Variants in SYK observed in about 807,000 individuals in gnomAD.
SYK encodes tyrosine-protein kinase SYK.
A neutral mutation model predicts 77.8 loss-of-function variants in SYK; 16 were observed. That is an observed-to-expected ratio of 0.21 (90% CI 0.14 to 0.31). SYK has a LOEUF of 0.31. SYK is among the 10% of genes least tolerant of loss of function. The probability of loss-of-function intolerance (pLI) is 1.00; values close to 1 mark genes in which losing one functional copy is unlikely to be tolerated. For missense variants in SYK, 529 were observed against 814.4 expected (o/e 0.65, Z 4.26); for synonymous variants, 312 against 308.7 (o/e 1.01, Z -0.11).
chr9:90,888,710 G>C, intron 13 of SYK, 83 bp downstream of exon 13: 3 of 1,082,428 alleles, frequency 2.8e-6, no homozygotes, highest in Non-Finnish European at 3.9e-6. Context: ...AAAGGATAAA[G>C]TTCACCTTTT....
At chr9:90,805,001 C>T (rs907027314) in intron 1 of SYK, among the ~76,000 whole-genome samples, 1 of 151,782 alleles carries the variant, frequency 6.6e-6, no homozygotes. Context: ...TGCCCTACAT[C>T]TCTTAAAAGG....
At chr9:90,867,400 T>C (rs1827547424) in intron 7 of SYK, among the ~76,000 whole-genome samples, 1 of 152,238 alleles carries the variant, frequency 6.6e-6, no homozygotes, top group African/African-American at 2.4e-5. Flanking sequence ...ATGTGGGTCC[T>C]CAGTCCGTCA....
chr9:90,884,150 T>TGTATATATACACATACACATAC (rs148870003), intron 11 of SYK, among the ~76,000 whole-genome samples: 1 of 71,428 alleles, frequency 1.4e-5, no homozygotes, highest in Non-Finnish European at 2.8e-5. Flanking sequence ...TATATGTGTG[T>TGTATATATACACATACACATAC]GTGTATATAT....
chr9:90,887,435 T>C (rs1360104052), intron 11 of SYK, among the ~76,000 whole-genome samples: 2 of 147,290 alleles, frequency 1.4e-5, no homozygotes, highest in Non-Finnish European at 3.0e-5. Context: ...ATGGAGTCTC[T>C]CGTTGTGTCA....
At chr9:90,876,303 A>AAAAG (rs1162716536) in intron 9 of SYK, among the ~76,000 whole-genome samples, 130 of 109,782 alleles carry the variant, frequency 1.2e-3, no homozygotes, top group Non-Finnish European at 1.4e-3. Context: ...AAAAAAAAAA[A>AAAAG]AAAGAAAGAA....
intron 7 of SYK, among the ~76,000 whole-genome samples, chr9:90,867,719 G>A (rs968197596): frequency 6.6e-6 from 1 of 152,122 alleles, no homozygotes; most frequent in African/African-American, 2.4e-5. Flanking sequence ...GTAAAGAAGA[G>A]GTGTAATCTG....
intron 1 of SYK, among the ~76,000 whole-genome samples, chr9:90,832,287 T>A (rs2118520902): frequency 6.6e-6 from 1 of 152,336 alleles, no homozygotes; most frequent in Non-Finnish European, 1.5e-5. Context: ...ATGATATCGA[T>A]GAAATGGAGA....
At chr9:90,813,602 A>C (rs1825177744) in intron 1 of SYK, among the ~76,000 whole-genome samples, 1 of 152,192 alleles carries the variant, frequency 6.6e-6, no homozygotes, top group Non-Finnish European at 1.5e-5. Context: ...GTTGCTATCA[A>C]GCTCAGAGAT....
rs1213176835 is a variant in SYK, at chr9:90,896,827, G to A, written c.*1227G>A. 4.7e-6 allele frequency: 1 copy of A among 212,150 alleles called. No homozygotes were observed. The highest frequency in any genetic ancestry group is 9.5e-6 in the Non-Finnish European group (1 of 104,814). The allele number at this position is 212,150 out of a possible 1,614,324, so 13.1% of individuals were successfully genotyped here. ...GGATCACTTGAGGTAAGGAGTTTGA[G>A]ACTAGCCTGGCCAATATGGTAAAAC... is the stretch of plus-strand genomic sequence containing the variant. On this transcript the variant is annotated 3_prime_UTR_variant, in exon 14 of 14. Transcript: ENST00000375754.
chr9:90,817,430 G>C (rs1825327813), intron 1 of SYK, among the ~76,000 whole-genome samples: 1 of 152,076 alleles, frequency 6.6e-6, no homozygotes, highest in Admixed American at 6.6e-5. Context: ...AAGCTCCACA[G>C]ATCCTGTCCC....
At chr9:90,893,845 T>C (rs530385567) in intron 13 of SYK, among the ~76,000 whole-genome samples, 1 of 152,130 alleles carries the variant, frequency 6.6e-6, no homozygotes, top group East Asian at 1.9e-4. Context: ...GGTCACTGGG[T>C]ACAAGGAGCA....
At position 90,896,312 on chromosome 9, in the gene SYK, T is replaced by TTCCCCCTGAAATCCTCTC. The variant is rs1828984529; in HGVS notation, c.*716_*733dup. The TTCCCCCTGAAATCCTCTC allele has an allele frequency of 1.3e-5, 3 of 233,190 alleles. No homozygotes were observed. The highest frequency in any genetic ancestry group is 2.5e-5 in the Non-Finnish European group (3 of 118,056). 14.4% of individuals were successfully genotyped at this position (233,190 alleles called of 1,614,324 possible). ...TGAGAATGAATTGGCTTGGCTTACT[T>TTCCCCCTGAAATCCTCTC]TCCCCCTGAAATCCTCTCTCCTGCA... On this transcript the variant is annotated 3_prime_UTR_variant, in exon 14 of 14. Coordinates refer to ENST00000375754, the MANE Select transcript of SYK (RefSeq NM_003177.7).
chr9:90,836,147 C>G (rs1203966697), intron 1 of SYK, among the ~76,000 whole-genome samples: 2 of 151,990 alleles, frequency 1.3e-5, no homozygotes, highest in Non-Finnish European at 2.9e-5. Context: ...GTTAGCCAGG[C>G]GTGGTGGTGG....
chr9:90,860,683 G>A lies in SYK; in HGVS notation c.579-1523G>A, dbSNP rs138035392. 1.2e-4 allele frequency among the ~76,000 whole-genome samples: 18 copies of A among 152,214 alleles called. No homozygotes were observed. The East Asian group carries it at 2.1e-3, about 18-fold the overall frequency. On this transcript the variant is annotated intron_variant, in intron 3 of 13. Coordinates refer to ENST00000375754, the MANE Select transcript of SYK (RefSeq NM_003177.7). ...GGGGTGCTGTGCATGGCCAAGCACCGCTAGAAAAGACACTTATTCTGAATT... is the reference window on the plus strand; with the variant it reads ...GGGGTGCTGTGCATGGCCAAGCACCACTAGAAAAGACACTTATTCTGAATT...
intron 6 of SYK, 43 bp from the exon 7 acceptor site, chr9:90,867,088 T>A (rs998702330): frequency 4.3e-6 from 7 of 1,609,880 alleles, no homozygotes; most frequent in African/African-American, 1.3e-5. Flanking sequence ...TGTATTTGTT[T>A]TCTGAAACAT....
intron 7 of SYK, among the ~76,000 whole-genome samples, chr9:90,872,165 T>G (rs558437758): frequency 1.3e-5 from 2 of 152,220 alleles, no homozygotes; most frequent in Non-Finnish European, 2.9e-5. Flanking sequence ...GCGTTCTGGT[T>G]TAATTGGAAC....
intron 12 of SYK, 29 bp downstream of exon 12, chr9:90,887,918 T>C (rs748039971): frequency 1.3e-6 from 2 of 1,556,108 alleles, no homozygotes; most frequent in Admixed American, 1.9e-5. Context: ...ATTTTCTCAC[T>C]GTGGGGCCAT....
rs1828434517 is a variant in SYK, at chr9:90,884,778, CATGTGT to C, written c.1582-2969_1582-2964del. On this transcript the variant is annotated intron_variant, in intron 11 of 13. Coordinates refer to ENST00000375754, the MANE Select transcript of SYK (RefSeq NM_003177.7). ...ACATATGTGTACATGCACATATACA[CATGTGT>C]ACATGCACATATACACATATGTGTA... Among the ~76,000 whole-genome samples the C allele has an allele frequency of 1.2e-4, 2 of 17,338 alleles. 1 individual carries two copies. The highest frequency in any genetic ancestry group is 9.5e-4 in the African/African-American group (2 of 2,096). 11.4% of individuals were successfully genotyped at this position (17,338 alleles called of 152,430 possible).
chr9:90,862,051 G>T (rs563429114), intron 3 of SYK, among the ~76,000 whole-genome samples, 155 bp from the exon 4 acceptor site: 3 of 152,182 alleles, frequency 2.0e-5, no homozygotes, highest in African/African-American at 7.2e-5. Flanking sequence ...TAAAGCCCTT[G>T]ACCCTGAGGC....
Sources: allele counts gnomAD v4.1 joint callset (sites outside exome capture counted in the v4.1 genomes callset), GRCh38; gene constraint gnomAD v4.1.1; transcripts MANE v1.5; gene names NCBI Gene and HGNC (gene_info 2026-07-23, HGNC 2026-07-21).